LMLN: variants seen among roughly 807,000 people sequenced by gnomAD.
The protein encoded by LMLN is leishmanolysin-like peptidase.
A neutral mutation model predicts 92.3 loss-of-function variants in LMLN; 70 were observed. That is an observed-to-expected ratio of 0.76 (90% CI 0.63 to 0.92). The LOEUF (loss-of-function observed/expected upper bound fraction) is 0.92, where lower values mean the gene tolerates loss of function less well. Ranked by LOEUF, LMLN falls within the 40% of genes least tolerant of loss-of-function variation. The pLI is 0.00. For missense variants in LMLN, 691 were observed against 814.6 expected (o/e 0.85, Z 1.85); for synonymous variants, 308 against 296.2 (o/e 1.04, Z -0.41).
At chr3:197,972,450 C>G (rs970005868) in intron 1 of LMLN, among the ~76,000 whole-genome samples, 1 of 152,080 alleles carries the variant, frequency 6.6e-6, no homozygotes, top group Admixed American at 6.6e-5. Flanking sequence ...TTCATAGTGT[C>G]TCTTCTGAGG....
chr3:197,990,663 C>T (rs1721840336), exon 9 of LMLN: 8 of 1,537,512 alleles, frequency 5.2e-6, no homozygotes, highest in South Asian at 4.5e-5. Flanking sequence ...CTCCTGGTAA[C>T]GCCTCGTGTT....
chr3:198,030,680 CCTCTGTCT>C (rs1229912640), intron 14 of LMLN, among the ~76,000 whole-genome samples: 35 of 152,186 alleles, frequency 2.3e-4, no homozygotes, highest in African/African-American at 8.2e-4. Flanking sequence ...CCCTCTGGTC[CCTCTGTCT>C]CTCTCATATT....
At chr3:197,999,374 G>T in intron 11 of LMLN, 32 bp downstream of exon 11, 1 of 1,463,336 alleles carries the variant, frequency 6.8e-7, no homozygotes, top group Non-Finnish European at 9.6e-7. Flanking sequence ...GATATGAATT[G>T]CTTATGAAAA....
intron 11 of LMLN, among the ~76,000 whole-genome samples, chr3:198,017,439 A>T (rs1217861001): frequency 1.3e-5 from 2 of 152,154 alleles, no homozygotes; most frequent in Non-Finnish European, 2.9e-5. Flanking sequence ...AATCACTTGA[A>T]TCTACACCTA....
chr3:198,012,153 G>A (rs1247805747), intron 11 of LMLN, among the ~76,000 whole-genome samples: 1 of 152,046 alleles, frequency 6.6e-6, no homozygotes, highest in Non-Finnish European at 1.5e-5. Context: ...GCAGCCTCTG[G>A]TGCCGAGTTC....
intron 11 of LMLN, chr3:197,999,636 TCTCAC>T: frequency 3.4e-6 from 1 of 292,298 alleles, no homozygotes; most frequent in Non-Finnish European, 6.4e-6. Context: ...CAAGCAGTCC[TCTCAC>T]CTCAGCTTCC....
intron 11 of LMLN, among the ~76,000 whole-genome samples, chr3:198,013,926 C>G (rs1398501846): frequency 7.4e-6 from 1 of 134,918 alleles, no homozygotes; most frequent in African/African-American, 3.2e-5. Flanking sequence ...AGCCCCCTAA[C>G]TAGTCTGACT....
chr3:197,975,985 C>T, intron 3 of LMLN, 44 bp from the exon 4 acceptor site: 1 of 1,161,798 alleles, frequency 8.6e-7, no homozygotes, highest in Non-Finnish European at 1.2e-6. Context: ...TAATTTATCT[C>T]TTCCTTATAA....
At chr3:197,967,128 T>C (rs1324335304) in intron 1 of LMLN, among the ~76,000 whole-genome samples, 1 of 152,166 alleles carries the variant, frequency 6.6e-6, no homozygotes, top group African/African-American at 2.4e-5. Flanking sequence ...GGTCTGTAGT[T>C]TTTTTAATTT....
At chr3:198,013,575 C>T (rs540708789) in intron 11 of LMLN, among the ~76,000 whole-genome samples, 1 of 127,454 alleles carries the variant, frequency 7.8e-6, no homozygotes, top group Admixed American at 7.1e-5. Flanking sequence ...CTTCTCTGTA[C>T]CCTTCAGAGC....
At chr3:198,030,110 C>T (rs1723039318) in intron 14 of LMLN, among the ~76,000 whole-genome samples, 1 of 152,182 alleles carries the variant, frequency 6.6e-6, no homozygotes, top group African/African-American at 2.4e-5. Context: ...TCCCAAAGTG[C>T]TGGGATTACA....
chr3:198,026,047 C>G (rs1722923682), intron 14 of LMLN, among the ~76,000 whole-genome samples: 1 of 151,886 alleles, frequency 6.6e-6, no homozygotes. Context: ...CACGAACTCC[C>G]AGGCTCAGGC....
At chr3:198,035,416 G>A (rs1051782914) in intron 14 of LMLN, among the ~76,000 whole-genome samples, 4 of 146,490 alleles carry the variant, frequency 2.7e-5, no homozygotes, top group East Asian at 4.1e-4. Flanking sequence ...AGGCTGGAGC[G>A]CAGTGGCATG....
intron 1 of LMLN, among the ~76,000 whole-genome samples, chr3:197,967,389 C>A (rs1239117066): frequency 6.6e-6 from 1 of 152,100 alleles, no homozygotes; most frequent in Non-Finnish European, 1.5e-5. Context: ...CCGTGATGCC[C>A]GCCTGAGCCG....
At chr3:198,007,166 G>A (rs1581163545) in intron 11 of LMLN, among the ~76,000 whole-genome samples, 3 of 152,166 alleles carry the variant, frequency 2.0e-5, no homozygotes, top group African/African-American at 7.2e-5. Flanking sequence ...AGGGGCTTTT[G>A]TAGGGCAAAT....
At chr3:198,014,319 T>G (rs1722551863) in intron 11 of LMLN, among the ~76,000 whole-genome samples, 1 of 121,618 alleles carries the variant, frequency 8.2e-6, no homozygotes, top group Non-Finnish European at 1.7e-5. Context: ...TCTCCACCCT[T>G]CAGAGCCCCC....
In LMLN at chr3:198,042,016, A is replaced by C. The variant is rs1723419276; in HGVS notation, c.*3349A>C. ...TGTATATATATTTATTAAGCTTGGG[A>C]ACCTGGTCGCCCAGTGTTTTCTCTG... On this transcript the variant is annotated 3_prime_UTR_variant, in exon 16 of 16. Coordinates refer to ENST00000330198, the Ensembl canonical transcript of LMLN. The surrounding 1 kb of genome is among the most constrained non-coding windows in gnomAD (Gnocchi z 4.2). The C allele has an allele frequency of 6.6e-6, 1 of 152,150 alleles. No individual in the cohort carries two copies. Among genetic ancestry groups the C allele is most frequent in the African/African-American group, 2.4e-5 (1 of 41,422 alleles). 9.4% of individuals were successfully genotyped at this position (152,150 alleles called of 1,614,324 possible).
intron 11 of LMLN, among the ~76,000 whole-genome samples, chr3:198,005,338 G>A (rs1377996231): frequency 2.0e-5 from 3 of 151,700 alleles, no homozygotes; most frequent in Admixed American, 6.6e-5. Flanking sequence ...TATATATACA[G>A]TTGTTCTTTA....
intron 10 of LMLN, among the ~76,000 whole-genome samples, chr3:197,998,389 G>A (rs1238142793): frequency 1.3e-5 from 2 of 152,088 alleles, no homozygotes; most frequent in South Asian, 2.1e-4. Flanking sequence ...CGGAAGGGAC[G>A]TACATTTATT....
Sources: allele counts gnomAD v4.1 joint callset (sites outside exome capture counted in the v4.1 genomes callset), GRCh38; gene constraint gnomAD v4.1.1; non-coding constraint Gnocchi (gnomAD v3.1); transcripts MANE v1.5; gene names NCBI Gene and HGNC (gene_info 2026-07-23, HGNC 2026-07-21).